The following TENM2 variants were observed in gnomAD, a reference collection of about 807,000 sequenced individuals.
TENM2 encodes the protein teneurin-2.
A neutral mutation model predicts 245.2 loss-of-function variants in TENM2; 52 were observed. The ratio of observed to expected loss-of-function variants is 0.21; its 90% CI spans 0.17 to 0.27. TENM2 has a LOEUF of 0.27. Among genes scored for constraint, TENM2 ranks in the 10% least tolerant of loss-of-function variants. The pLI is 1.00. For synonymous variants in TENM2, 1,363 were observed against 1,438.9 expected (o/e 0.95, Z 1.19); for missense variants, 3,046 against 3,666.8 (o/e 0.83, Z 4.37).
intron 2 of TENM2, among the ~76,000 whole-genome samples, chr5:167,803,616 A>T (rs551095999): frequency 3.3e-5 from 5 of 152,210 alleles, no homozygotes; most frequent in African/African-American, 1.2e-4. Context: ...TGGGAGTAAT[A>T]TTACTATGCA....
intron 2 of TENM2, among the ~76,000 whole-genome samples, chr5:167,715,836 T>C (rs1381960905): frequency 1.3e-5 from 2 of 152,246 alleles, no homozygotes; most frequent in African/African-American, 4.8e-5. Flanking sequence ...TGCATTCTAC[T>C]ATTTTTCAGT....
the TENM2 span, among the ~76,000 whole-genome samples, chr5:167,108,148 CAG>C: frequency 6.6e-6 from 1 of 152,268 alleles, no homozygotes; most frequent in African/African-American, 2.4e-5. Flanking sequence ...TTTATTGAGA[CAG>C]AGTCTCGCTC....
At chr5:167,589,519 A>G (rs140513829) in intron 2 of TENM2, among the ~76,000 whole-genome samples, 124 of 152,292 alleles carry the variant, frequency 8.1e-4, no homozygotes, top group Non-Finnish European at 1.6e-3. Context: ...AATATTCCCC[A>G]ATAAGTTTAT....
chr5:167,921,734 A>C (rs2151639744), intron 3 of TENM2, among the ~76,000 whole-genome samples: 1 of 152,304 alleles, frequency 6.6e-6, no homozygotes, highest in Admixed American at 6.5e-5. Context: ...AAATTATATT[A>C]ATAATAAAAA....
chr5:167,728,975 G>C (rs895066052), intron 2 of TENM2: 10 of 152,210 alleles, frequency 6.6e-5, no homozygotes, highest in African/African-American at 2.4e-4. Context: ...TCATTTAAAG[G>C]GACATCTGAA....
At chr5:167,040,519 C>T in the TENM2 span, among the ~76,000 whole-genome samples, 1 of 151,886 alleles carries the variant, frequency 6.6e-6, no homozygotes, top group African/African-American at 2.4e-5. Context: ...TCCAGAGTTC[C>T]TGTGAGATGA....
At position 167,495,504 on chromosome 5, in the gene TENM2, G is replaced by A. The variant is rs10043602; in HGVS notation, c.502+120031G>A. Among the ~76,000 whole-genome samples, 681 of 152,162 alleles carry A rather than the reference G, an allele frequency of 4.5e-3. 4 individuals carry two copies. The highest frequency in any genetic ancestry group is 0.015 in the African/African-American group (638 of 41,542). ...AGCAGGAGCAAGATACATGATCCAA[G>A]CTGGATTTTGCAAATTCTAGCAGAT... On this transcript the variant is annotated intron_variant, in intron 2 of 28. Coordinates refer to ENST00000518659, the Ensembl canonical transcript of TENM2.
At chr5:167,209,776 T>C in the TENM2 span, among the ~76,000 whole-genome samples, 1 of 152,172 alleles carries the variant, frequency 6.6e-6, no homozygotes, top group African/African-American at 2.4e-5. Flanking sequence ...TCCTGACTGC[T>C]ACAGAGAAAA....
Position 168,243,232 on chromosome 5 carries a change from C to G in TENM2, c.5521-1188C>G, listed in dbSNP as rs1159919939. On this transcript the variant is annotated intron_variant, in intron 25 of 28. Coordinates refer to ENST00000518659, the Ensembl canonical transcript of TENM2. ...AGGGCTAGCTGAATCTCAGGAGCCC[C>G]TCTCCTTTGCCCCTCACCAGAGTCT... Among the ~76,000 whole-genome samples the G allele has an allele frequency of 4.6e-5, 7 of 152,206 alleles. No individual in the cohort carries two copies. The South Asian group carries it at 6.2e-4, about 14-fold the overall frequency.
intron 17 of TENM2, among the ~76,000 whole-genome samples, chr5:168,201,928 A>G (rs1020718084): frequency 4.6e-5 from 7 of 152,090 alleles, no homozygotes; most frequent in Admixed American, 2.6e-4. Flanking sequence ...TCTGTTCCCT[A>G]TATCTCCTGA....
chr5:167,679,789 T>TA (rs1756577667), intron 2 of TENM2, among the ~76,000 whole-genome samples: 1 of 152,146 alleles, frequency 6.6e-6, no homozygotes, highest in Non-Finnish European at 1.5e-5. Context: ...TCAGTGTCCC[T>TA]ACATGTAAAA....
the TENM2 span, among the ~76,000 whole-genome samples, chr5:167,101,769 C>T: frequency 6.8e-6 from 1 of 147,188 alleles, no homozygotes; most frequent in Non-Finnish European, 1.5e-5. Flanking sequence ...ACCCAAGTGT[C>T]AGACGTAAGC....
the TENM2 span, among the ~76,000 whole-genome samples, chr5:167,179,925 A>T: frequency 2.0e-5 from 3 of 152,054 alleles, no homozygotes; most frequent in East Asian, 5.8e-4. Flanking sequence ...AATAGGAGAG[A>T]AGGCTGAGAC....
intron 2 of TENM2, among the ~76,000 whole-genome samples, chr5:167,520,288 C>G (rs547515847): frequency 6.6e-6 from 1 of 152,210 alleles, no homozygotes; most frequent in Admixed American, 6.5e-5. Context: ...TGTATAACAG[C>G]AAACAAAGTG....
Position 167,654,161 on chromosome 5 carries a change from C to T in TENM2, c.503-221825C>T, listed in dbSNP as rs890184751. ...CTTTATGGGTACTGCCAGTTCAATG[C>T]GGTTTTTCTCTACCATTTTGTGTCT... On this transcript the variant is annotated intron_variant, in intron 2 of 28. Coordinates refer to ENST00000518659, the Ensembl canonical transcript of TENM2. Among the ~76,000 whole-genome samples the T allele has an allele frequency of 6.6e-5, 10 of 151,832 alleles. 1 individual carries two copies. Among genetic ancestry groups the T allele is most frequent in the South Asian group, 6.2e-4 (3 of 4,810 alleles).
the TENM2 span, among the ~76,000 whole-genome samples, chr5:167,277,006 T>C: frequency 6.6e-6 from 1 of 152,162 alleles, no homozygotes; most frequent in Non-Finnish European, 1.5e-5. Flanking sequence ...CCTCCATTTT[T>C]TCTTTGTCAG....
chr5:168,203,984 CTTT>C (rs1296905513), intron 18 of TENM2, among the ~76,000 whole-genome samples, 152 bp downstream of exon 20: 10 of 151,316 alleles, frequency 6.6e-5, no homozygotes, highest in Non-Finnish European at 1.2e-4. Context: ...CTACCTTCTT[CTTT>C]TATTATTTTT....
intron 2 of TENM2, among the ~76,000 whole-genome samples, chr5:167,420,253 C>G (rs756072995): frequency 6.6e-6 from 1 of 152,150 alleles, no homozygotes; most frequent in Non-Finnish European, 1.5e-5. Flanking sequence ...TCTAGACTAT[C>G]TTAAAATCCA....
chr5:166,981,093 A>AG, the TENM2 span, among the ~76,000 whole-genome samples: 1 of 152,224 alleles, frequency 6.6e-6, no homozygotes. Flanking sequence ...TCTTTTATGT[A>AG]GAAAAAAACC....
Sources: gnomAD v4.1 joint callset for allele counts (sites outside exome capture counted in the v4.1 genomes callset) on GRCh38, gnomAD v4.1.1 for gene constraint, MANE v1.5 for transcripts, NCBI Gene and HGNC (gene_info 2026-07-23, HGNC 2026-07-21) for gene names.